CLHC1: variants seen among roughly 807,000 people sequenced by gnomAD.
The protein encoded by CLHC1 is clathrin heavy chain linker domain-containing protein 1.
A neutral mutation model predicts 69.5 loss-of-function variants in CLHC1; 72 were observed. The observed-to-expected ratio is 1.04, with a 90% CI of 0.86 to 1.26. The LOEUF is 1.26. Ranked by LOEUF, CLHC1 falls within the 50% of genes most tolerant of loss-of-function variation. The pLI, the probability that CLHC1 is intolerant of heterozygous loss-of-function variation, is 0.00. For missense variants in CLHC1, 790 were observed against 679.3 expected (o/e 1.16, Z -1.81); for synonymous variants, 223 against 224.3 (o/e 0.99, Z 0.05).
intron 9 of CLHC1, among the ~76,000 whole-genome samples, chr2:55,187,132 G>C (rs1670488597): frequency 6.7e-6 from 1 of 150,374 alleles, no homozygotes; most frequent in Non-Finnish European, 1.5e-5. Flanking sequence ...AATAATAAAA[G>C]AAATTAGCCA....
intron 9 of CLHC1, among the ~76,000 whole-genome samples, chr2:55,199,149 T>C (rs1364982194): frequency 6.6e-6 from 1 of 151,662 alleles, no homozygotes; most frequent in African/African-American, 2.4e-5. Context: ...TACAAAAAAC[T>C]AGCTGGGTGT....
At chr2:55,176,278 A>C (rs1201855839) in intron 12 of CLHC1, among the ~76,000 whole-genome samples, 1 of 152,186 alleles carries the variant, frequency 6.6e-6, no homozygotes, top group Non-Finnish European at 1.5e-5. Context: ...AAGGCAGCAG[A>C]TGTTGAAGGC....
intron 9 of CLHC1, among the ~76,000 whole-genome samples, chr2:55,187,396 T>G (rs1413056228): frequency 6.6e-6 from 1 of 152,136 alleles, no homozygotes; most frequent in Non-Finnish European, 1.5e-5. Flanking sequence ...GAAGATCACT[T>G]GGACTCAGAG....
At chr2:55,230,291 G>T (rs536508007) in intron 1 of CLHC1, among the ~76,000 whole-genome samples, 2 of 152,264 alleles carry the variant, frequency 1.3e-5, no homozygotes, top group Non-Finnish European at 2.9e-5. Context: ...TAAGATGTGG[G>T]ATATAAAAGA....
intron 9 of CLHC1, among the ~76,000 whole-genome samples, chr2:55,199,468 C>A (rs939147616): frequency 6.6e-6 from 1 of 152,016 alleles, no homozygotes; most frequent in Non-Finnish European, 1.5e-5. Context: ...TTACTCATAT[C>A]TTAAGTAGAA....
At chr2:55,200,354 T>C (rs889182146) in intron 9 of CLHC1, among the ~76,000 whole-genome samples, 1 of 150,506 alleles carries the variant, frequency 6.6e-6, no homozygotes, top group Non-Finnish European at 1.5e-5. Context: ...GAAAAAGATA[T>C]TCCATTCAAA....
chr2:55,181,524 T>C (rs369268012), intron 10 of CLHC1, 46 bp downstream of exon 10: 3 of 1,414,924 alleles, frequency 2.1e-6, no homozygotes, highest in Non-Finnish European at 2.9e-6. Context: ...CAAACAACTT[T>C]ATTAACGAAA....
At chr2:55,187,279 CAAATAAAATAAAATAAAATA>C (rs58159859) in intron 9 of CLHC1, among the ~76,000 whole-genome samples, 1 of 127,314 alleles carries the variant, frequency 7.9e-6, no homozygotes, top group Non-Finnish European at 1.6e-5. Context: ...AACTCCATCT[CAAATAAAATAAAATAAAATA>C]AAATAAAATA....
intron 9 of CLHC1, among the ~76,000 whole-genome samples, chr2:55,185,586 C>T (rs1215448166): frequency 6.6e-6 from 1 of 152,126 alleles, no homozygotes; most frequent in African/African-American, 2.4e-5. Context: ...TCTGCTGTAT[C>T]CCCAGCACCT....
At chr2:55,191,795 G>A (rs901734698) in intron 9 of CLHC1, among the ~76,000 whole-genome samples, 3 of 151,534 alleles carry the variant, frequency 2.0e-5, no homozygotes, top group Non-Finnish European at 2.9e-5. Context: ...TAGAAAAAAG[G>A]TTTCAAAAAA....
chr2:55,186,377 G>A (rs1670412870), intron 9 of CLHC1, among the ~76,000 whole-genome samples: 1 of 152,118 alleles, frequency 6.6e-6, no homozygotes. Flanking sequence ...GCACATCCAT[G>A]AGCATGAGTT....
Position 55,175,503 on chromosome 2 carries a change from A to G in CLHC1, c.*287T>C, listed in dbSNP as rs1182353342. On this transcript the variant is annotated 3_prime_UTR_variant, in exon 13 of 13. Transcript: ENST00000401408. ...CATCACCAGAAAGTAATATATCTGG[A>G]CATTAGCTTATGTCCTTAGATAAAA... The G allele has an allele frequency of 3.0e-6, 1 of 338,262 alleles. No individual in the cohort carries two copies. Among genetic ancestry groups the G allele is most frequent in the Non-Finnish European group, 5.4e-6 (1 of 184,198 alleles). 21.0% of individuals were successfully genotyped at this position (338,262 alleles called of 1,614,324 possible).
At chr2:55,187,385 G>A (rs1397286833) in intron 9 of CLHC1, among the ~76,000 whole-genome samples, 2 of 152,128 alleles carry the variant, frequency 1.3e-5, no homozygotes, top group Non-Finnish European at 2.9e-5. Flanking sequence ...GGCCAAGACA[G>A]GAAGATCACT....
chr2:55,192,618 C>T (rs540681201), intron 9 of CLHC1, among the ~76,000 whole-genome samples: 34 of 152,154 alleles, frequency 2.2e-4, no homozygotes, highest in African/African-American at 7.5e-4. Context: ...ATACTACTGG[C>T]GTGGGGTGGA....
Position 55,175,948 on chromosome 2 carries a change from A to G in CLHC1, c.1603T>C (p.Ser535Pro), listed in dbSNP as rs765283067. The change falls in exon 13 of 13, where the codon TCC becomes CCC. Residue 535 changes from serine to proline, a missense_variant. Transcript: ENST00000401408. ...ESLMINDSFC[S>P]IEKWQEVANI... ...GCCACTTCTTGCCACTTTTCTATGG[A>G]GCAAAAGGAATCATTTATCATAAGA... 2 of 1,614,038 alleles carry G rather than the reference A, an allele frequency of 1.2e-6. No individual in the cohort carries two copies. Among genetic ancestry groups the G allele is most frequent in the South Asian group, 1.1e-5 (1 of 91,082 alleles).
At chr2:55,216,900 C>T (rs560659416) in intron 4 of CLHC1, among the ~76,000 whole-genome samples, 22 of 152,238 alleles carry the variant, frequency 1.4e-4, no homozygotes, top group African/African-American at 4.8e-4. Context: ...GTAATCCCAG[C>T]GCTTTGGGAG....
Position 55,179,646 on chromosome 2 carries a change from G to A in CLHC1, c.1384+864C>T, listed in dbSNP as rs138974832. ...AATCAGGACAGGCACTGGCCTGGGGGATGGGGAGATGTCAGCAATGCCTGT... is the reference window on the plus strand; with the variant it reads ...AATCAGGACAGGCACTGGCCTGGGGAATGGGGAGATGTCAGCAATGCCTGT... On this transcript the variant is annotated intron_variant, in intron 11 of 12. Transcript: ENST00000401408. 3.6e-3 allele frequency among the ~76,000 whole-genome samples: 555 copies of A among 152,162 alleles called. 2 individuals carry two copies. The highest frequency in any genetic ancestry group is 0.031 in the Middle Eastern group (9 of 294).
At chr2:55,214,741 T>C (rs989565223) in intron 4 of CLHC1, 11 of 152,210 alleles carry the variant, frequency 7.2e-5, no homozygotes, top group African/African-American at 2.2e-4. Context: ...TGAAAGCAGA[T>C]ACTTGTATAT....
intron 11 of CLHC1, among the ~76,000 whole-genome samples, chr2:55,180,014 C>T (rs553732999): frequency 6.6e-6 from 1 of 152,020 alleles, no homozygotes; most frequent in East Asian, 1.9e-4. Context: ...GTTAGCCGGG[C>T]GTAGTGGCGG....
Sources: allele counts gnomAD v4.1 joint callset (sites outside exome capture counted in the v4.1 genomes callset), GRCh38; gene constraint gnomAD v4.1.1; transcripts MANE v1.5; gene names NCBI Gene and HGNC (gene_info 2026-07-23, HGNC 2026-07-21).